IQCM: variants seen among roughly 807,000 people sequenced by gnomAD.
IQCM encodes the protein IQ domain-containing protein M.
IQCM carries 45 observed loss-of-function variants against 57.6 expected under a neutral mutation model. The observed-to-expected ratio is 0.78, with a 90% CI of 0.62 to 1.00. IQCM has a LOEUF of 1.00. Among genes scored for constraint, IQCM ranks in the 50% least tolerant of loss-of-function variants. The probability of loss-of-function intolerance (pLI) is 0.00; values close to 1 mark genes in which losing one functional copy is unlikely to be tolerated. For synonymous variants in IQCM, 148 were observed against 158.9 expected, an observed-to-expected ratio of 0.93 and a Z score of 0.51; for missense variants, 468 against 511.6, an observed-to-expected ratio of 0.91 and a Z score of 0.82.
chr4:149,637,162 G>GAAAAAAAAAAAAAAAAAAAAAAAAAAA (rs1021089498), intron 7 of IQCM, among the ~76,000 whole-genome samples: 1 of 99,452 alleles, frequency 1.0e-5, no homozygotes, highest in African/African-American at 3.7e-5. Context: ...AAAAAAAAAA[G>GAAAAAAAAAAAAAAAAAAAAAAAAAAA]AAAAAAAAAA....
intron 9 of IQCM, among the ~76,000 whole-genome samples, chr4:149,578,938 C>T (rs1029067380): frequency 6.6e-6 from 1 of 151,918 alleles, no homozygotes; most frequent in East Asian, 2.0e-4. Flanking sequence ...CCCCCTTCCC[C>T]ATGCTTTTGC....
At chr4:149,432,049 GTTTTC>G (rs2111266450) in intron 13 of IQCM, among the ~76,000 whole-genome samples, 1 of 151,156 alleles carries the variant, frequency 6.6e-6, no homozygotes, top group Admixed American at 6.6e-5. Flanking sequence ...GTAAATAAAT[GTTTTC>G]TTTTATTTTG....
chr4:149,433,334 A>G (rs918145460), intron 13 of IQCM, 62 bp downstream of exon 13: 11 of 690,634 alleles, frequency 1.6e-5, no homozygotes, highest in Non-Finnish European at 2.0e-5. Context: ...ATACAGTTAT[A>G]TATTTAATAT....
At chr4:149,717,458 C>T (rs191521700) in intron 5 of IQCM, among the ~76,000 whole-genome samples, 130 of 152,084 alleles carry the variant, frequency 8.5e-4, no homozygotes, top group African/African-American at 2.7e-3. Flanking sequence ...TTTGTTTTTC[C>T]CTTTATAGCT....
intron 2 of IQCM, among the ~76,000 whole-genome samples, chr4:149,748,414 A>G (rs1424707154): frequency 6.6e-6 from 1 of 152,210 alleles, no homozygotes; most frequent in Admixed American, 6.5e-5. Context: ...AAAAGCAGTT[A>G]TTAATACATT....
At chr4:149,674,797 A>T (rs995296349) in intron 7 of IQCM, among the ~76,000 whole-genome samples, 1 of 152,088 alleles carries the variant, frequency 6.6e-6, no homozygotes, top group Non-Finnish European at 1.5e-5. Context: ...AAACTTGTGG[A>T]ATCATCAGCC....
At chr4:149,580,968 CA>C (rs1272039711) in intron 9 of IQCM, among the ~76,000 whole-genome samples, 1 of 151,524 alleles carries the variant, frequency 6.6e-6, no homozygotes, top group Non-Finnish European at 1.5e-5. Context: ...GAATAAACTA[CA>C]AAAAAATTCC....
At chr4:149,708,195 T>C (rs1444302894) in intron 5 of IQCM, among the ~76,000 whole-genome samples, 2 of 152,068 alleles carry the variant, frequency 1.3e-5, no homozygotes, top group Non-Finnish European at 2.9e-5. Flanking sequence ...CCTGAGCTGA[T>C]CCCAGATCTG....
intron 5 of IQCM, among the ~76,000 whole-genome samples, chr4:149,705,219 CAT>C (rs1187701568): frequency 1.4e-5 from 2 of 142,166 alleles, no homozygotes; most frequent in Non-Finnish European, 3.1e-5. Context: ...TAAAAAGAAA[CAT>C]ATATATCCTA....
intron 12 of IQCM, among the ~76,000 whole-genome samples, chr4:149,545,218 A>C (rs1748270594): frequency 2.0e-5 from 3 of 152,168 alleles, no homozygotes. Flanking sequence ...GACTACCTCA[A>C]ACTAAAATGC....
At chr4:149,443,884 A>G (rs1470827395) in intron 12 of IQCM, among the ~76,000 whole-genome samples, 1 of 151,940 alleles carries the variant, frequency 6.6e-6, no homozygotes, top group African/African-American at 2.4e-5. Context: ...TCATATAGGG[A>G]GATGTTTGGA....
intron 7 of IQCM, among the ~76,000 whole-genome samples, chr4:149,672,381 A>C (rs181744534): frequency 6.6e-6 from 1 of 152,310 alleles, no homozygotes; most frequent in Admixed American, 6.5e-5. Context: ...AACCTTGAAA[A>C]AAGATTAGAC....
chr4:149,460,878 A>G (rs1409645877), intron 12 of IQCM, among the ~76,000 whole-genome samples: 1 of 152,128 alleles, frequency 6.6e-6, no homozygotes, highest in Non-Finnish European at 1.5e-5. Flanking sequence ...CAAAGATCCC[A>G]TTGGTCCCCT....
intron 10 of IQCM, 25 bp downstream of exon 10, chr4:149,563,667 T>C: frequency 2.5e-6 from 3 of 1,217,914 alleles, no homozygotes; most frequent in Non-Finnish European, 3.1e-6. Flanking sequence ...TTTAAACACA[T>C]TATAATATCT....
At chr4:149,516,962 G>A (rs980473397) in intron 12 of IQCM, among the ~76,000 whole-genome samples, 1 of 152,018 alleles carries the variant, frequency 6.6e-6, no homozygotes, top group South Asian at 2.1e-4. Flanking sequence ...AGGTAAGTAA[G>A]AGTATGCATG....
At chr4:149,514,288 T>C (rs574271969) in intron 12 of IQCM, among the ~76,000 whole-genome samples, 91 of 152,340 alleles carry the variant, frequency 6.0e-4, no homozygotes, top group African/African-American at 2.1e-3. Context: ...CTGAATTAGA[T>C]TTTTAATTGT....
At chr4:149,541,006 A>G (rs963670489) in intron 12 of IQCM, among the ~76,000 whole-genome samples, 1 of 152,170 alleles carries the variant, frequency 6.6e-6, no homozygotes, top group Non-Finnish European at 1.5e-5. Context: ...TTTCTAATCT[A>G]AAGTCCTCTA....
intron 2 of IQCM, among the ~76,000 whole-genome samples, chr4:149,786,636 T>C (rs1772105059): frequency 6.6e-6 from 1 of 152,028 alleles, no homozygotes; most frequent in Non-Finnish European, 1.5e-5. Context: ...TGAAATACCA[T>C]CTCACACCAG....
chr4:149,693,537 C>A (rs565606068), intron 5 of IQCM, among the ~76,000 whole-genome samples: 1 of 152,284 alleles, frequency 6.6e-6, no homozygotes, highest in East Asian at 1.9e-4. Context: ...CAATTCAGAC[C>A]TTTATCATCT....
Sources: allele counts gnomAD v4.1 joint callset (sites outside exome capture counted in the v4.1 genomes callset), GRCh38; gene constraint gnomAD v4.1.1; transcripts MANE v1.5; gene names NCBI Gene and HGNC (gene_info 2026-07-23, HGNC 2026-07-21).